The following CTBP2 variants were observed in gnomAD, a reference collection of about 807,000 sequenced individuals.
CTBP2 encodes C-terminal binding protein 2.
A neutral mutation model predicts 80.3 loss-of-function variants in CTBP2; 30 were observed. That is an observed-to-expected ratio of 0.37 (90% CI 0.28 to 0.51). The LOEUF (loss-of-function observed/expected upper bound fraction) is 0.51, where lower values mean the gene tolerates loss of function less well. CTBP2 is among the 20% of genes least tolerant of loss of function. CTBP2 has a pLI of 0.93. For missense variants in CTBP2, 1,212 were observed against 1,375.3 expected (o/e 0.88, Z 1.88); for synonymous variants, 594 against 587.4 (o/e 1.01, Z -0.16).
intron 1 of CTBP2, among the ~76,000 whole-genome samples, chr10:125,006,274 T>C (rs1259741134): frequency 8.0e-6 from 1 of 124,888 alleles, no homozygotes; most frequent in Admixed American, 8.5e-5. Context: ...GTTCTCATGC[T>C]GGGAAAAGAT....
In CTBP2 at chr10:125,036,668, GGTGTGTGTGTGTGTGT is replaced by G. The variant is rs59284647; in HGVS notation, c.58+2313_58+2328del. ...ATGGTGAGAATTCAAAGCTAGAGGG[GGTGTGTGTGTGTGTGT>G]GTGTGTGTGTGTGTGTGTGTGTGTG... On this transcript the variant is annotated intron_variant, in intron 3 of 10. Coordinates refer to the CTBP2 transcript ENST00000337195. Among the ~76,000 whole-genome samples the G allele has an allele frequency of 9.5e-3, 1,136 of 119,290 alleles. 12 individuals carry two copies. The highest frequency in any genetic ancestry group is 0.032 in the African/African-American group (840 of 26,580). 78.3% of individuals were successfully genotyped at this position (119,290 alleles called of 152,430 possible).
chr10:124,990,959 T>G (rs1214018507), intron 8 of CTBP2, among the ~76,000 whole-genome samples: 1 of 152,236 alleles, frequency 6.6e-6, no homozygotes. Context: ...CAGTCTATGC[T>G]ACTCAATTAT....
chr10:125,127,605 C>T (rs1855489286), intron 1 of CTBP2, among the ~76,000 whole-genome samples: 1 of 152,110 alleles, frequency 6.6e-6, no homozygotes, highest in Non-Finnish European at 1.5e-5. Context: ...CTAAACATCC[C>T]TCCATGTTGT....
At chr10:125,048,480 T>C (rs58687358) in intron 2 of CTBP2, among the ~76,000 whole-genome samples, 26 of 152,286 alleles carry the variant, frequency 1.7e-4, no homozygotes, top group African/African-American at 5.1e-4. Context: ...ATGCTTCGTT[T>C]CTAGGAGCAT....
chr10:125,026,568 G>T lies in CTBP2; in HGVS notation c.1192C>A (p.Arg398=), dbSNP rs1228965818. ...GGACGGCGAGCCGGGTCTCCAGCTC[G>T]GGGGGATGCTGTCTGCAGAGGAGCC... The change falls in exon 1 of 9, where the codon CGA becomes AGA. Residue 398 remains arginine (R), a synonymous_variant. Transcript: ENST00000309035. The T allele has an allele frequency of 1.3e-6, 2 of 1,566,214 alleles. No individual in the cohort carries two copies. Among genetic ancestry groups the T allele is most frequent in the Middle Eastern group, 1.8e-4 (1 of 5,554 alleles).
At position 125,026,396 on chromosome 10, in the gene CTBP2, T is replaced by G. The variant is rs1590161055; in HGVS notation, c.1364A>C (p.Tyr455Ser). 1 of 1,609,540 alleles carries G rather than the reference T, an allele frequency of 6.2e-7. No individual in the cohort carries two copies. Among genetic ancestry groups the G allele is most frequent in the South Asian group, 1.1e-5 (1 of 90,940 alleles). The change falls in exon 1 of 9, where the codon TAC becomes TCC. Residue 455 changes from tyrosine to serine, a missense_variant. Transcript: ENST00000309035. The stretch of plus-strand genomic sequence containing the variant: ...CAAGGCCACCCCTGCCTGCAGGGGG[T>G]ACGTGGGGCTCAGACGCGCTGTCAG...
intron 2 of CTBP2, among the ~76,000 whole-genome samples, chr10:125,063,094 G>C (rs1310028018): frequency 6.6e-6 from 1 of 152,204 alleles, no homozygotes; most frequent in Middle Eastern, 3.2e-3. Flanking sequence ...GCACAGCCTC[G>C]GCCAGCCTCG....
intron 3 of CTBP2, chr10:124,999,518 C>T (rs940485177): frequency 3.3e-5 from 5 of 152,250 alleles, no homozygotes; most frequent in African/African-American, 1.2e-4. Flanking sequence ...ACCCCTAGGT[C>T]TAGGGCCTTG....
At chr10:125,007,127 T>C (rs76616677) in intron 1 of CTBP2, among the ~76,000 whole-genome samples, 2,080 of 152,380 alleles carry the variant, frequency 0.014, 45 homozygotes, top group African/African-American at 0.048. Context: ...AAACCTGCCT[T>C]GTCCATTTCA....
intron 8 of CTBP2, among the ~76,000 whole-genome samples, chr10:124,990,631 G>A (rs1353961159): frequency 6.6e-6 from 1 of 152,164 alleles, no homozygotes; most frequent in Non-Finnish European, 1.5e-5. Flanking sequence ...GAGTACAATG[G>A]ACCCTTAGGG....
chr10:125,013,003 T>C (rs1590066281), intron 1 of CTBP2, among the ~76,000 whole-genome samples: 1 of 152,108 alleles, frequency 6.6e-6, no homozygotes. Flanking sequence ...CCTTGGGAGG[T>C]GCCCACCTCG....
chr10:125,048,523 C>T (rs912634089), intron 2 of CTBP2, among the ~76,000 whole-genome samples: 15 of 152,170 alleles, frequency 9.9e-5, no homozygotes, highest in African/African-American at 2.4e-4. Flanking sequence ...GCAGCGCCAG[C>T]GCCTACTTGT....
chr10:125,146,558 T>C (rs1053305277), intron 1 of CTBP2, among the ~76,000 whole-genome samples: 3 of 152,170 alleles, frequency 2.0e-5, no homozygotes, highest in Non-Finnish European at 4.4e-5. Context: ...GCTGGGGTTA[T>C]AGGCATGAGC....
chr10:125,087,260 C>T (rs1485210289), intron 2 of CTBP2, among the ~76,000 whole-genome samples: 1 of 151,720 alleles, frequency 6.6e-6, no homozygotes, highest in African/African-American at 2.4e-5. Flanking sequence ...TTAGTAGAGA[C>T]GGGGTTTCGC....
intron 2 of CTBP2, among the ~76,000 whole-genome samples, chr10:125,105,718 G>C (rs1261904396): frequency 6.6e-6 from 1 of 152,128 alleles, no homozygotes; most frequent in African/African-American, 2.4e-5. Flanking sequence ...CATTCTAAGA[G>C]TATTAATACA....
At chr10:124,993,628 C>T (rs1953028921) in intron 6 of CTBP2, among the ~76,000 whole-genome samples, 1 of 152,236 alleles carries the variant, frequency 6.6e-6, no homozygotes, top group Non-Finnish European at 1.5e-5. Flanking sequence ...TGCCACACCC[C>T]CACCAATTTT....
chr10:125,124,753 T>C (rs1468453313), intron 1 of CTBP2, among the ~76,000 whole-genome samples: 2 of 152,206 alleles, frequency 1.3e-5, no homozygotes, highest in African/African-American at 4.8e-5. Flanking sequence ...ATAGAAGTAA[T>C]CATTTTCTTT....
chr10:125,140,295 G>A (rs1294984300), intron 1 of CTBP2, among the ~76,000 whole-genome samples: 1 of 151,870 alleles, frequency 6.6e-6, no homozygotes, highest in Non-Finnish European at 1.5e-5. Context: ...TACTGCAAAT[G>A]CACGCATACA....
chr10:125,020,539 C>G (rs1331175271), intron 1 of CTBP2, among the ~76,000 whole-genome samples: 1 of 152,230 alleles, frequency 6.6e-6, no homozygotes, highest in African/African-American at 2.4e-5. Flanking sequence ...GCGGGCAGAG[C>G]TGGCCAAGGT....
Sources: allele counts gnomAD v4.1 joint callset (sites outside exome capture counted in the v4.1 genomes callset), GRCh38; gene constraint gnomAD v4.1.1; transcripts MANE v1.5; gene names NCBI Gene and HGNC (gene_info 2026-07-23, HGNC 2026-07-21).